Variants in COL4A4 observed in about 807,000 individuals in gnomAD.
COL4A4 encodes collagen type IV alpha 4 chain.
In COL4A4, 105 loss-of-function variants were observed where a neutral mutation model predicts 192.9. The ratio of observed to expected loss-of-function variants is 0.54; its 90% CI spans 0.46 to 0.64. The LOEUF (loss-of-function observed/expected upper bound fraction) is 0.64. Among genes scored for constraint, COL4A4 ranks in the 30% least tolerant of loss-of-function variants. COL4A4 has a pLI of 0.00. For missense variants in COL4A4, 1,967 were observed against 2,169.3 expected (o/e 0.91, Z 1.85); for synonymous variants, 762 against 769.9 (o/e 0.99, Z 0.17).
intron 17 of COL4A4, 90 bp from the exon 18 acceptor site, chr2:227,099,779 A>C: frequency 1.8e-6 from 2 of 1,098,288 alleles, no homozygotes; most frequent in Non-Finnish European, 2.7e-6. Flanking sequence ...GATCATGTGC[A>C]CATTCATATA....
At chr2:227,038,376 T>C (rs1970108500) in intron 37 of COL4A4, among the ~76,000 whole-genome samples, 1 of 152,170 alleles carries the variant, frequency 6.6e-6, no homozygotes, top group Admixed American at 6.5e-5. Flanking sequence ...CAGATGTTTG[T>C]AGATGTGTGG....
At chr2:227,066,913 C>A (rs1328169930) in intron 25 of COL4A4, among the ~76,000 whole-genome samples, 1 of 150,658 alleles carries the variant, frequency 6.6e-6, no homozygotes, top group African/African-American at 2.4e-5. Flanking sequence ...TTAAAAGACA[C>A]AGACTGGCAA....
chr2:227,060,101 G>GAAAAAGAAA, intron 27 of COL4A4, 35 bp downstream of exon 27: 1 of 503,760 alleles, frequency 2.0e-6, no homozygotes, highest in Non-Finnish European at 3.1e-6. Context: ...TCCCAAAGCA[G>GAAAAAGAAA]AAAAAAAAAA....
At chr2:227,019,588 A>G (rs1333513069) in intron 44 of COL4A4, among the ~76,000 whole-genome samples, 1 of 152,228 alleles carries the variant, frequency 6.6e-6, no homozygotes, top group Non-Finnish European at 1.5e-5. Flanking sequence ...CTGGGGTCCT[A>G]GCAGTCCTGT....
At chr2:227,024,017 C>A (rs1373371478) in intron 43 of COL4A4, among the ~76,000 whole-genome samples, 20 of 137,796 alleles carry the variant, frequency 1.5e-4, no homozygotes, top group East Asian at 1.4e-3. Flanking sequence ...AAAAAAAAAA[C>A]AAAAAACAAA....
intron 1 of COL4A4, among the ~76,000 whole-genome samples, chr2:227,160,914 T>G (rs2064776866): frequency 6.6e-6 from 1 of 152,196 alleles, no homozygotes; most frequent in African/African-American, 2.4e-5. Flanking sequence ...CCTAATTGTT[T>G]CAGAGGTATG....
At chr2:227,018,465 T>C (rs1249482810) in intron 44 of COL4A4, among the ~76,000 whole-genome samples, 1 of 152,092 alleles carries the variant, frequency 6.6e-6, no homozygotes, top group Non-Finnish European at 1.5e-5. Context: ...CCAGCAGGCA[T>C]AGACAAGGCC....
chr2:227,025,217 T>C (rs1966770187), intron 43 of COL4A4, among the ~76,000 whole-genome samples: 1 of 152,164 alleles, frequency 6.6e-6, no homozygotes, highest in South Asian at 2.1e-4. Context: ...GCATTCACAA[T>C]TTTTCTTTTT....
intron 35 of COL4A4, among the ~76,000 whole-genome samples, chr2:227,044,867 T>A (rs1006897426): frequency 6.6e-6 from 1 of 152,176 alleles, no homozygotes; most frequent in African/African-American, 2.4e-5. Flanking sequence ...GAATAACATA[T>A]AATACAATTT....
At chr2:226,988,536 C>T in the COL4A4 span, 2 of 1,454,190 alleles carry the variant, frequency 1.4e-6, no homozygotes, top group East Asian at 5.2e-5. Context: ...CGCACTGTGC[C>T]AGGCTGGCCC....
In COL4A4 at chr2:227,057,972, C is replaced by G. The variant is rs575897976; in HGVS notation, c.2384-372G>C. 4.6e-5 allele frequency among the ~76,000 whole-genome samples: 7 copies of G among 152,330 alleles called. No homozygotes were observed. The East Asian group carries it at 1.3e-3, about 29-fold the overall frequency. On this transcript the variant is annotated intron_variant, in intron 28 of 47. Transcript: ENST00000396625. ...TGAATTTGCATTTTATGAGAGATTT[C>G]ATCACTTGTATTCTCAAATTTCTAC...
intron 3 of COL4A4, among the ~76,000 whole-genome samples, chr2:227,142,209 A>G (rs2063265369): frequency 6.6e-6 from 1 of 152,124 alleles, no homozygotes; most frequent in Non-Finnish European, 1.5e-5. Flanking sequence ...TTCTACGTAA[A>G]CATTCCCCAA....
chr2:227,139,709 A>C (rs763715361), intron 4 of COL4A4, among the ~76,000 whole-genome samples: 7 of 152,254 alleles, frequency 4.6e-5, no homozygotes, highest in Non-Finnish European at 1.0e-4. Flanking sequence ...CATACAAAAA[A>C]TATAGCTATC....
At chr2:227,149,407 G>A (rs977597733) in intron 1 of COL4A4, among the ~76,000 whole-genome samples, 1 of 152,084 alleles carries the variant, frequency 6.6e-6, no homozygotes, top group East Asian at 1.9e-4. Context: ...GTTTCTGGTT[G>A]GGCCAGTAAA....
At chr2:227,070,797 G>A (rs565785814) in intron 25 of COL4A4, among the ~76,000 whole-genome samples, 174 of 151,766 alleles carry the variant, frequency 1.1e-3, no homozygotes, top group African/African-American at 4.0e-3. Context: ...AGTGGGTGCA[G>A]CACAGCAGCA....
At chr2:227,018,959 G>A (rs1247140482) in intron 44 of COL4A4, among the ~76,000 whole-genome samples, 2 of 152,236 alleles carry the variant, frequency 1.3e-5, no homozygotes, top group African/African-American at 4.8e-5. Flanking sequence ...TCATGTTCAA[G>A]TGTAAAGAAT....
chr2:227,113,318 C>A (rs999688756), intron 8 of COL4A4, among the ~76,000 whole-genome samples: 1 of 152,114 alleles, frequency 6.6e-6, no homozygotes, highest in East Asian at 1.9e-4. Flanking sequence ...ATCTACAGGT[C>A]ATTTTTATTA....
rs549156171 is a variant in COL4A4 at position 227,069,758 on chromosome 2, TA to T, written c.1988-7161del. The stretch of plus-strand genomic sequence containing the variant: ...GACTTAAACATTAGACCTAAAACCA[TA>T]AAAACCCTAGAAGAAAACCTAGGCA... On this transcript the variant is annotated intron_variant, in intron 25 of 47. Coordinates refer to ENST00000396625, the MANE Select transcript of COL4A4 (RefSeq NM_000092.5). Among the ~76,000 whole-genome samples the T allele has an allele frequency of 4.5e-3, 676 of 151,736 alleles. 6 individuals are homozygous for T. The highest frequency in any genetic ancestry group is 0.017 in the Middle Eastern group (5 of 294).
At chr2:227,086,403 C>T (rs770487908) in intron 22 of COL4A4, among the ~76,000 whole-genome samples, 10 of 151,830 alleles carry the variant, frequency 6.6e-5, no homozygotes, top group Non-Finnish European at 1.0e-4. Flanking sequence ...CTTTTCTTCC[C>T]TCCTTCCTTT....
Sources: allele counts gnomAD v4.1 joint callset (sites outside exome capture counted in the v4.1 genomes callset), GRCh38; gene constraint gnomAD v4.1.1; transcripts MANE v1.5; gene names NCBI Gene and HGNC (gene_info 2026-07-23, HGNC 2026-07-21).